Variants in SLC39A11 observed in about 807,000 individuals in gnomAD.
SLC39A11 encodes the protein solute carrier family 39 member 11.
Under a neutral mutation model 36.1 loss-of-function variants are expected in SLC39A11, and 33 were observed. The observed-to-expected ratio is 0.91, with a 90% CI of 0.69 to 1.22. The LOEUF (loss-of-function observed/expected upper bound fraction) is 1.22. Ranked by LOEUF, SLC39A11 falls within the 50% of genes most tolerant of loss-of-function variation. The pLI, the probability that SLC39A11 is intolerant of heterozygous loss-of-function variation, is 0.00. For synonymous variants in SLC39A11, 166 were observed against 170.3 expected (o/e 0.97, Z 0.20); for missense variants, 432 against 430.3 (o/e 1.00, Z -0.03).
chr17:72,950,242 A>C (rs1364290917), intron 4 of SLC39A11, among the ~76,000 whole-genome samples: 1 of 152,218 alleles, frequency 6.6e-6, no homozygotes, highest in Non-Finnish European at 1.5e-5. Context: ...AAACAAACAC[A>C]CACAAAAAAG....
At chr17:72,659,442 G>A (rs1255837666) in intron 7 of SLC39A11, among the ~76,000 whole-genome samples, 1 of 152,198 alleles carries the variant, frequency 6.6e-6, no homozygotes, top group Admixed American at 6.5e-5. Context: ...AAGCAAAGAT[G>A]TGAGATGATC....
rs544620404 is a variant in SLC39A11, at chr17:73,059,936, G to C, written c.147+24872C>G. 1.2e-3 allele frequency among the ~76,000 whole-genome samples: 184 copies of C among 151,816 alleles called. 3 individuals carry two copies. Among genetic ancestry groups the C allele is most frequent in the Admixed American group, 3.1e-3 (47 of 15,222 alleles). ...GAAATTTTATTGTGATCAGCAGGGC[G>C]TGGTGACTCACCCCTGTAATCCCAG... On this transcript the variant is annotated intron_variant, in intron 3 of 9. Transcript: ENST00000255559.
At chr17:73,032,982 A>G (rs1199743005) in intron 3 of SLC39A11, among the ~76,000 whole-genome samples, 2 of 152,198 alleles carry the variant, frequency 1.3e-5, no homozygotes, top group Admixed American at 1.3e-4. Flanking sequence ...TCCTTTGGGC[A>G]CCAGGGGCCA....
chr17:72,966,861 G>A (rs1021337484), intron 4 of SLC39A11, among the ~76,000 whole-genome samples: 12 of 152,176 alleles, frequency 7.9e-5, no homozygotes, highest in African/African-American at 1.4e-4. Context: ...CAGCCACCAC[G>A]CCCGGCCGCT....
At chr17:72,699,741 G>C (rs1300704238) in intron 7 of SLC39A11, among the ~76,000 whole-genome samples, 4 of 152,238 alleles carry the variant, frequency 2.6e-5, no homozygotes, top group African/African-American at 4.8e-5. Context: ...GGCCAGGGCT[G>C]TGGATTTGTC....
chr17:72,680,901 T>C (rs1009582946), intron 7 of SLC39A11, among the ~76,000 whole-genome samples: 3 of 152,200 alleles, frequency 2.0e-5, no homozygotes, highest in African/African-American at 7.2e-5. Context: ...CTGGCTATTG[T>C]AAATAATGCT....
Position 72,805,412 on chromosome 17 carries a change from G to C in SLC39A11, c.601+44222C>G, listed in dbSNP as rs147028424. On this transcript the variant is annotated intron_variant, in intron 6 of 9. Coordinates refer to ENST00000255559, the MANE Select transcript of SLC39A11 (RefSeq NM_139177.4). ...GGCTAAGCATGAGGGAGATTGATGG[G>C]TGAACTTGGGCTGCAGGAGACACCA... 3.9e-5 allele frequency among the ~76,000 whole-genome samples: 6 copies of C among 152,302 alleles called. No individual in the cohort carries two copies. The East Asian group carries it at 1.2e-3, about 30-fold the overall frequency.
At chr17:72,730,115 A>G (rs574951563) in intron 7 of SLC39A11, among the ~76,000 whole-genome samples, 34 of 152,250 alleles carry the variant, frequency 2.2e-4, no homozygotes, top group Non-Finnish European at 4.3e-4. Context: ...CAGTTTATAT[A>G]TGTCCACTGC....
intron 4 of SLC39A11, among the ~76,000 whole-genome samples, chr17:73,022,213 AAG>A (rs986026512): frequency 2.0e-5 from 3 of 152,264 alleles, no homozygotes; most frequent in African/African-American, 4.8e-5. Context: ...TATGGCAAGA[AAG>A]AGAGAGTTCA....
At chr17:72,799,087 T>G (rs12449641) in intron 6 of SLC39A11, among the ~76,000 whole-genome samples, 93,488 of 151,860 alleles carry the variant, frequency 0.62, 30,457 homozygotes, top group Non-Finnish European at 0.74. Context: ...ACATGTATGG[T>G]TGCATGCATG....
At chr17:72,791,214 G>A (rs535708535) in intron 6 of SLC39A11, among the ~76,000 whole-genome samples, 58 of 152,318 alleles carry the variant, frequency 3.8e-4, no homozygotes, top group Admixed American at 1.8e-3. Flanking sequence ...CAACACTTCG[G>A]GAGGCCGAGG....
rs768760548 is a variant in SLC39A11 at position 72,649,135 on chromosome 17, G to T, written c.770+35C>A. 1.9e-6 allele frequency: 3 copies of T among 1,593,206 alleles called. No homozygotes were observed. In the Admixed American group the frequency reaches 5.1e-5, roughly 27 times the overall value. On this transcript the variant is annotated intron_variant, in intron 8 of 9. Transcript: ENST00000255559. ...GTTGAAAGAAGCCCACATGGAGGATGCTGTGACATGGCCTTGCCCTTGGGC... is the reference window on the plus strand; with the variant it reads ...GTTGAAAGAAGCCCACATGGAGGATTCTGTGACATGGCCTTGCCCTTGGGC...
At chr17:72,731,699 T>A (rs560398511) in intron 7 of SLC39A11, among the ~76,000 whole-genome samples, 1 of 149,604 alleles carries the variant, frequency 6.7e-6, no homozygotes, top group South Asian at 2.2e-4. Flanking sequence ...GAACCCATAT[T>A]GGTGCATTCC....
intron 5 of SLC39A11, among the ~76,000 whole-genome samples, chr17:72,909,083 G>A (rs1340405478): frequency 6.6e-6 from 1 of 152,210 alleles, no homozygotes; most frequent in Non-Finnish European, 1.5e-5. Context: ...TTGCCTCAGA[G>A]TGCATTCTGG....
intron 7 of SLC39A11, among the ~76,000 whole-genome samples, chr17:72,721,247 C>T (rs1442051801): frequency 6.6e-6 from 1 of 152,128 alleles, no homozygotes; most frequent in Admixed American, 6.6e-5. Flanking sequence ...CAGATGCATG[C>T]CACCATGTCC....
At chr17:73,000,773 T>C (rs1283862917) in intron 4 of SLC39A11, among the ~76,000 whole-genome samples, 2 of 152,192 alleles carry the variant, frequency 1.3e-5, no homozygotes, top group South Asian at 4.1e-4. Context: ...AGCCCAAACA[T>C]ACCTTCCTAT....
At chr17:72,757,610 G>T (rs1297601029) in intron 6 of SLC39A11, among the ~76,000 whole-genome samples, 2 of 151,464 alleles carry the variant, frequency 1.3e-5, no homozygotes, top group African/African-American at 4.9e-5. Context: ...TGGGGCCTTT[G>T]CCCATGCCAT....
At chr17:72,952,386 C>T (rs866970603) in intron 4 of SLC39A11, among the ~76,000 whole-genome samples, 2 of 152,188 alleles carry the variant, frequency 1.3e-5, no homozygotes, top group African/African-American at 4.8e-5. Flanking sequence ...TTTATCATAG[C>T]GTCCCTGGCG....
At chr17:73,028,144 G>C (rs1022806840) in intron 4 of SLC39A11, among the ~76,000 whole-genome samples, 1 of 152,168 alleles carries the variant, frequency 6.6e-6, no homozygotes, top group African/African-American at 2.4e-5. Context: ...ATCAGGAACT[G>C]AAATGATCTG....
Sources: allele counts gnomAD v4.1 joint callset (sites outside exome capture counted in the v4.1 genomes callset), GRCh38; gene constraint gnomAD v4.1.1; transcripts MANE v1.5; gene names NCBI Gene and HGNC (gene_info 2026-07-23, HGNC 2026-07-21).